The following GFRA1 variants were observed in gnomAD, a reference collection of about 807,000 sequenced individuals.
GFRA1 encodes the protein GDNF family receptor alpha-1.
A neutral mutation model predicts 51.6 loss-of-function variants in GFRA1; 16 were observed. The observed-to-expected ratio is 0.31, with a 90% confidence interval of 0.21 to 0.47. GFRA1 has a LOEUF of 0.47. GFRA1 is among the 20% of genes least tolerant of loss of function. GFRA1 has a pLI of 1.00. For missense variants in GFRA1, 530 were observed against 594.3 expected, an observed-to-expected ratio of 0.89 and a Z score of 1.13; for synonymous variants, 270 against 241.3, an observed-to-expected ratio of 1.12 and a Z score of -1.10.
rs1336525755 is a variant in GFRA1 at position 116,057,988 on chromosome 10, CATTGT to C, written c.*6405_*6409del. On this transcript the variant is annotated 3_prime_UTR_variant, in exon 11 of 11. Coordinates refer to ENST00000355422, the MANE Select transcript of GFRA1 (RefSeq NM_005264.8). ...ATGCTGGATCATATAGCCCTCCAATCATTGTGTGTGTGTGTGTGTGTGTGTGTGTG... is the reference window on the plus strand; with the variant it reads ...ATGCTGGATCATATAGCCCTCCAATCGTGTGTGTGTGTGTGTGTGTGTGTG... The C allele has an allele frequency of 4.1e-5, 5 of 120,704 alleles. No homozygotes were observed. Among genetic ancestry groups the C allele is most frequent in the Non-Finnish European group, 8.5e-5 (5 of 58,870 alleles). 7.5% of individuals were successfully genotyped at this position (120,704 alleles called of 1,614,324 possible). A position where few individuals can be genotyped will look rare whatever the true frequency, so the allele number is the denominator to read the frequency against.
intron 8 of GFRA1, among the ~76,000 whole-genome samples, chr10:116,092,077 G>C (rs189106291): frequency 3.0e-5 from 4 of 133,592 alleles, no homozygotes; most frequent in Admixed American, 2.3e-4. Context: ...GTGAAAAAGA[G>C]GAAATATACA....
In GFRA1 at chr10:116,203,005, C is replaced by G. The variant is rs192379302; in HGVS notation, c.433+8626G>C. The stretch of plus-strand genomic sequence containing the variant: ...AGCATTTTGAAGAACAGGGATCAAT[C>G]TGGCCAAGCCTTATGGAGATGAATG... On this transcript the variant is annotated intron_variant, in intron 5 of 10. Coordinates refer to ENST00000355422, the MANE Select transcript of GFRA1 (RefSeq NM_005264.8). Among the ~76,000 whole-genome samples, 3 of 152,192 alleles carry G rather than the reference C, an allele frequency of 2.0e-5. No homozygotes were observed. In the East Asian group the frequency reaches 5.8e-4, roughly 30 times the overall value.
intron 5 of GFRA1, among the ~76,000 whole-genome samples, chr10:116,196,553 A>T (rs1339218017): frequency 2.2e-5 from 2 of 92,604 alleles, no homozygotes; most frequent in South Asian, 7.1e-4. Flanking sequence ...ATATATTTTT[A>T]TATATACTAT....
chr10:116,266,437 ACT>A (rs1969664206), intron 4 of GFRA1, among the ~76,000 whole-genome samples: 2 of 152,206 alleles, frequency 1.3e-5, no homozygotes, highest in African/African-American at 2.4e-5. Flanking sequence ...CAAAGGCCAA[ACT>A]GGATAATATG....
At chr10:116,205,900 T>C (rs555335113) in intron 5 of GFRA1, among the ~76,000 whole-genome samples, 2 of 150,042 alleles carry the variant, frequency 1.3e-5, no homozygotes, top group South Asian at 4.2e-4. Context: ...AGTGATTATT[T>C]AAATCTGGTT....
At chr10:116,231,987 C>T (rs1012116537) in intron 4 of GFRA1, among the ~76,000 whole-genome samples, 6 of 152,226 alleles carry the variant, frequency 3.9e-5, no homozygotes, top group East Asian at 3.9e-4. Context: ...AAATTAAGAG[C>T]GCAGTATGGA....
At chr10:116,175,635 G>C (rs1961510430) in intron 5 of GFRA1, among the ~76,000 whole-genome samples, 1 of 152,138 alleles carries the variant, frequency 6.6e-6, no homozygotes, top group African/African-American at 2.4e-5. Flanking sequence ...ACCATCGTCA[G>C]GGTCCCTTTG....
chr10:116,203,219 A>G (rs1239224523), intron 5 of GFRA1, among the ~76,000 whole-genome samples: 5 of 152,220 alleles, frequency 3.3e-5, no homozygotes, highest in African/African-American at 9.6e-5. Flanking sequence ...TTGCATTCCA[A>G]AAGATCACTT....
In GFRA1 at chr10:116,218,711, G is replaced by A. The variant is rs117962069; in HGVS notation, c.419-7066C>T. Among the ~76,000 whole-genome samples, 198 of 152,210 alleles carry A rather than the reference G, an allele frequency of 1.3e-3. 1 individual carries two copies. Among genetic ancestry groups the A allele is most frequent in the Non-Finnish European group, 2.2e-3 (149 of 68,014 alleles). ...GGTTGCTCAAACTGAACAGAGCCCCGGTGAGCCTTGGTAATAGCTTTAAGG... is the reference window on the plus strand; with the variant it reads ...GGTTGCTCAAACTGAACAGAGCCCCAGTGAGCCTTGGTAATAGCTTTAAGG... On this transcript the variant is annotated intron_variant, in intron 4 of 10. Transcript: ENST00000355422.
At chr10:116,194,478 T>C (rs1343344345) in intron 5 of GFRA1, among the ~76,000 whole-genome samples, 3 of 152,194 alleles carry the variant, frequency 2.0e-5, no homozygotes, top group Non-Finnish European at 2.9e-5. Context: ...AATTAAAATT[T>C]CTGGTATAGA....
intron 4 of GFRA1, among the ~76,000 whole-genome samples, chr10:116,257,093 C>T (rs1968923374): frequency 1.3e-5 from 2 of 152,324 alleles, no homozygotes; most frequent in Middle Eastern, 3.4e-3. Flanking sequence ...CACTGTCCAC[C>T]AGGGGAGGCC....
intron 6 of GFRA1, among the ~76,000 whole-genome samples, chr10:116,124,962 A>AT (rs1364049755): frequency 6.6e-6 from 1 of 152,080 alleles, no homozygotes; most frequent in Non-Finnish European, 1.5e-5. Context: ...AGGCAGTGGT[A>AT]TTTTACCTCA....
At chr10:116,266,167 A>G (rs1188000175) in intron 4 of GFRA1, among the ~76,000 whole-genome samples, 1 of 152,172 alleles carries the variant, frequency 6.6e-6, no homozygotes, top group Non-Finnish European at 1.5e-5. Flanking sequence ...GAAAATGGAA[A>G]CACAAGAACG....
chr10:116,227,771 C>G (rs1966401733), intron 4 of GFRA1, among the ~76,000 whole-genome samples: 1 of 152,214 alleles, frequency 6.6e-6, no homozygotes, highest in African/African-American at 2.4e-5. Context: ...ATTCCATCTC[C>G]TGTCATGTCA....
At chr10:116,258,868 C>CT (rs1969095134) in intron 4 of GFRA1, among the ~76,000 whole-genome samples, 1 of 152,192 alleles carries the variant, frequency 6.6e-6, no homozygotes, top group African/African-American at 2.4e-5. Context: ...TTTTACTTCT[C>CT]TTTAAGTATC....
chr10:116,235,903 A>G (rs1378963094), intron 4 of GFRA1, among the ~76,000 whole-genome samples: 1 of 152,194 alleles, frequency 6.6e-6, no homozygotes, highest in Non-Finnish European at 1.5e-5. Context: ...CCTTGCTGGC[A>G]CACTGATCTT....
In GFRA1 at chr10:116,182,098, C is replaced by T. The variant is rs529369054; in HGVS notation, c.433+29533G>A. On this transcript the variant is annotated intron_variant, in intron 5 of 10. Coordinates refer to ENST00000355422, the MANE Select transcript of GFRA1 (RefSeq NM_005264.8). The stretch of plus-strand genomic sequence containing the variant: ...CAGATTTAACATATGTAACTGGGGG[C>T]TGGGGGTGGTGGGGAGGGCAGAGAT... 4.1e-5 allele frequency among the ~76,000 whole-genome samples: 4 copies of T among 97,150 alleles called. No homozygotes were observed. The South Asian group carries it at 1.5e-3, about 35-fold the overall frequency. 63.7% of individuals were successfully genotyped at this position (97,150 alleles called of 152,430 possible).
At chr10:116,198,330 T>C (rs1964058128) in intron 5 of GFRA1, among the ~76,000 whole-genome samples, 1 of 152,200 alleles carries the variant, frequency 6.6e-6, no homozygotes, top group African/African-American at 2.4e-5. Flanking sequence ...TGCGGGCTTA[T>C]GAGAACTGCA....
At chr10:116,140,354 A>T (rs1958509993) in intron 5 of GFRA1, among the ~76,000 whole-genome samples, 1 of 152,210 alleles carries the variant, frequency 6.6e-6, no homozygotes. Flanking sequence ...TTTACGAGCT[A>T]CTAGTTTAAC....
Sources: gnomAD v4.1 joint callset for allele counts (sites outside exome capture counted in the v4.1 genomes callset) on GRCh38, gnomAD v4.1.1 for gene constraint, MANE v1.5 for transcripts, NCBI Gene and HGNC (gene_info 2026-07-23, HGNC 2026-07-21) for gene names.